Variants in DOK6 observed in about 807,000 individuals in gnomAD.
DOK6 encodes the protein docking protein 6.
Under a neutral mutation model 44.0 loss-of-function variants are expected in DOK6, and 22 were observed. That is an observed-to-expected ratio of 0.50 (90% CI 0.36 to 0.71). The LOEUF (loss-of-function observed/expected upper bound fraction) is 0.71, where lower values mean the gene tolerates loss of function less well. DOK6 is among the 30% of genes least tolerant of loss of function. The probability of loss-of-function intolerance (pLI) is 0.00; values close to 1 mark genes in which losing one functional copy is unlikely to be tolerated. For synonymous variants in DOK6, 166 were observed against 145.5 expected (o/e 1.14, Z -1.01); for missense variants, 340 against 416.4 (o/e 0.82, Z 1.60).
intron 5 of DOK6, among the ~76,000 whole-genome samples, chr18:69,706,527 A>AAT (rs1986638058): frequency 3.3e-5 from 5 of 151,138 alleles, no homozygotes; most frequent in African/African-American, 1.2e-4. Flanking sequence ...TTTTTTTTTA[A>AAT]TTTTATTATT....
Position 69,401,063 on chromosome 18 carries a change from T to C in DOK6, c.-182T>C, listed in dbSNP as rs951870674. ...TCGCGGCGCCGGGCCCCGTTCCCCG[T>C]CCGCGGCGGCCCTGCAGGCGACCCC... On this transcript the variant is annotated 5_prime_UTR_variant, in exon 1 of 8. Transcript: ENST00000382713. 4 of 307,430 alleles carry C rather than the reference T, an allele frequency of 1.3e-5. No individual in the cohort carries two copies. The highest frequency in any genetic ancestry group is 9.0e-5 in the African/African-American group (4 of 44,398). The allele number at this position is 307,430 out of a possible 1,614,324, so 19.0% of individuals were successfully genotyped here.
At chr18:69,802,714 T>C (rs1480259588) in intron 7 of DOK6, among the ~76,000 whole-genome samples, 2 of 152,170 alleles carry the variant, frequency 1.3e-5, no homozygotes, top group East Asian at 3.9e-4. Flanking sequence ...CCATGTGATA[T>C]GCTGGCTCTC....
intron 3 of DOK6, among the ~76,000 whole-genome samples, chr18:69,674,951 CCT>C (rs529321983): frequency 6.6e-6 from 1 of 151,744 alleles, no homozygotes; most frequent in African/African-American, 2.4e-5. Flanking sequence ...AATCTCTCTT[CCT>C]CTCTCTCTCT....
At chr18:69,661,698 C>T (rs1985531750) in intron 3 of DOK6, 1 of 152,140 alleles carries the variant, frequency 6.6e-6, no homozygotes, top group Non-Finnish European at 1.5e-5. Context: ...TTGTTCTTTC[C>T]ACCTAAAATA....
At chr18:69,710,433 C>T (rs570712049) in intron 5 of DOK6, among the ~76,000 whole-genome samples, 2 of 152,262 alleles carry the variant, frequency 1.3e-5, no homozygotes, top group Non-Finnish European at 2.9e-5. Flanking sequence ...ATAGTAAAAC[C>T]AATCCAAACC....
chr18:69,551,370 A>G (rs1464748782), intron 1 of DOK6, among the ~76,000 whole-genome samples: 1 of 152,188 alleles, frequency 6.6e-6, no homozygotes, highest in Non-Finnish European at 1.5e-5. Context: ...AGTGCTGTGT[A>G]TTTTTGAAAT....
chr18:69,476,024 C>T (rs1008016529), intron 1 of DOK6, among the ~76,000 whole-genome samples: 1 of 152,086 alleles, frequency 6.6e-6, no homozygotes, highest in Non-Finnish European at 1.5e-5. Context: ...TTTTTCAGTC[C>T]TTGCCACTCT....
intron 3 of DOK6, among the ~76,000 whole-genome samples, chr18:69,641,393 G>A (rs903681511): frequency 1.3e-5 from 2 of 152,070 alleles, no homozygotes; most frequent in Non-Finnish European, 2.9e-5. Context: ...AACACCTTAT[G>A]CCAGTTGCTT....
intron 4 of DOK6, among the ~76,000 whole-genome samples, chr18:69,694,662 G>C (rs1986352636): frequency 1.3e-5 from 2 of 151,836 alleles, no homozygotes; most frequent in Non-Finnish European, 2.9e-5. Flanking sequence ...ATTTTGATTT[G>C]GTATTTGTTT....
intron 1 of DOK6, among the ~76,000 whole-genome samples, chr18:69,542,110 A>G (rs1050365973): frequency 6.6e-6 from 1 of 151,442 alleles, no homozygotes; most frequent in Admixed American, 6.6e-5. Flanking sequence ...AGACAACTGG[A>G]TGCTCTCAAA....
intron 7 of DOK6, among the ~76,000 whole-genome samples, chr18:69,773,756 T>C (rs900678995): frequency 5.9e-5 from 9 of 151,774 alleles, no homozygotes; most frequent in African/African-American, 1.9e-4. Context: ...ATTTTACAGA[T>C]CTGTGCTTAG....
intron 1 of DOK6, among the ~76,000 whole-genome samples, chr18:69,432,634 C>T (rs1978839805): frequency 6.6e-6 from 1 of 152,048 alleles, no homozygotes; most frequent in South Asian, 2.1e-4. Flanking sequence ...TAAGATTAAT[C>T]TTTTTCACAG....
At chr18:69,804,375 A>T (rs551112075) in intron 7 of DOK6, among the ~76,000 whole-genome samples, 1 of 152,214 alleles carries the variant, frequency 6.6e-6, no homozygotes, top group East Asian at 1.9e-4. Context: ...CCTTTCAATT[A>T]TATTGACAAA....
chr18:69,684,214 T>A (rs1986101526), intron 4 of DOK6, among the ~76,000 whole-genome samples: 1 of 152,190 alleles, frequency 6.6e-6, no homozygotes, highest in South Asian at 2.1e-4. Context: ...TCTCACTTGG[T>A]CTTCAATACA....
intron 3 of DOK6, among the ~76,000 whole-genome samples, chr18:69,618,208 C>T (rs535943587): frequency 6.6e-6 from 1 of 152,298 alleles, no homozygotes; most frequent in African/African-American, 2.4e-5. Flanking sequence ...TGACAGAATA[C>T]ATTTCTGCTG....
chr18:69,689,215 G>A (rs1986214032), intron 4 of DOK6, among the ~76,000 whole-genome samples: 1 of 152,204 alleles, frequency 6.6e-6, no homozygotes, highest in African/African-American at 2.4e-5. Context: ...GAAAAGTGGT[G>A]TAAGATAACT....
chr18:69,758,292 G>A (rs1332777120), intron 7 of DOK6, among the ~76,000 whole-genome samples: 2 of 152,106 alleles, frequency 1.3e-5, no homozygotes, highest in African/African-American at 4.8e-5. Flanking sequence ...CCATAAACTG[G>A]TATATAAACC....
At position 69,817,920 on chromosome 18, in the gene DOK6, A is replaced by G. The variant is rs989821879; in HGVS notation, c.857-23324A>G. ...CAATTATGGATTTTATTTCTAGACTAAAGCAAAGGCCCATTTAAACTAAGA... is the reference window on the plus strand; with the variant it reads ...CAATTATGGATTTTATTTCTAGACTGAAGCAAAGGCCCATTTAAACTAAGA... On this transcript the variant is annotated intron_variant, in intron 7 of 7. Transcript: ENST00000382713. Among the ~76,000 whole-genome samples the G allele has an allele frequency of 2.6e-5, 4 of 152,182 alleles. 1 individual carries two copies. In the South Asian group the frequency reaches 6.2e-4, roughly 24 times the overall value.
intron 2 of DOK6, among the ~76,000 whole-genome samples, chr18:69,570,119 T>C (rs1983079649): frequency 6.6e-6 from 1 of 151,794 alleles, no homozygotes; most frequent in Admixed American, 6.6e-5. Flanking sequence ...AGTGATGAAA[T>C]AATCTGTACA....
Sources: gnomAD v4.1 joint callset for allele counts (sites outside exome capture counted in the v4.1 genomes callset) on GRCh38, gnomAD v4.1.1 for gene constraint, MANE v1.5 for transcripts, NCBI Gene and HGNC (gene_info 2026-07-23, HGNC 2026-07-21) for gene names.